STPG2: variants seen among roughly 807,000 people sequenced by gnomAD.
STPG2 encodes sperm-tail PG-rich repeat-containing protein 2.
STPG2 carries 56 observed loss-of-function variants against 54.2 expected under a neutral mutation model. The observed-to-expected ratio is 1.03, with a 90% CI of 0.83 to 1.29. STPG2 has a LOEUF of 1.29. Among genes scored for constraint, STPG2 ranks in the 50% most tolerant of loss-of-function variants. The pLI is 0.00. For missense variants in STPG2, 596 were observed against 544.9 expected (o/e 1.09, Z -0.93); for synonymous variants, 200 against 181.8 (o/e 1.10, Z -0.81).
At chr4:97,494,559 T>G (rs1043384018) in intron 4 of STPG2, among the ~76,000 whole-genome samples, 2 of 151,548 alleles carry the variant, frequency 1.3e-5, no homozygotes, top group African/African-American at 2.4e-5. Context: ...GCAAATAAAT[T>G]AACTTCCTGG....
At chr4:97,865,349 T>C (rs955712132) in intron 8 of STPG2, among the ~76,000 whole-genome samples, 7 of 152,146 alleles carry the variant, frequency 4.6e-5, no homozygotes, top group African/African-American at 1.2e-4. Context: ...AAAATGCTCA[T>C]CATCACTGGC....
chr4:97,573,074 C>G (rs1044785094), intron 10 of STPG2, among the ~76,000 whole-genome samples: 17 of 151,990 alleles, frequency 1.1e-4, no homozygotes, highest in African/African-American at 4.1e-4. Flanking sequence ...AATAAAAATG[C>G]CTCAGACATT....
At chr4:97,543,476 T>C (rs958406802) in intron 4 of STPG2, among the ~76,000 whole-genome samples, 1 of 151,826 alleles carries the variant, frequency 6.6e-6, no homozygotes, top group Non-Finnish European at 1.5e-5. Context: ...AAAAATAAAA[T>C]GCTAAGCTTA....
chr4:97,635,167 G>C (rs1017735632), intron 10 of STPG2, among the ~76,000 whole-genome samples: 1 of 152,116 alleles, frequency 6.6e-6, no homozygotes, highest in Admixed American at 6.5e-5. Context: ...CAAGCCAGAA[G>C]AGAGTGGGGA....
intron 9 of STPG2, among the ~76,000 whole-genome samples, chr4:97,792,305 A>G (rs933539602): frequency 1.5e-4 from 23 of 152,290 alleles, no homozygotes; most frequent in East Asian, 5.8e-4. Flanking sequence ...GTTTTTCTCT[A>G]TCTCAGATAA....
intron 5 of STPG2, among the ~76,000 whole-genome samples, chr4:98,059,861 T>C (rs1358113495): frequency 5.3e-5 from 8 of 152,034 alleles, no homozygotes; most frequent in Non-Finnish European, 1.0e-4. Flanking sequence ...TAAAATTCAA[T>C]ACCCCTTTGT....
At chr4:97,602,323 C>CA (rs1182131671) in intron 10 of STPG2, among the ~76,000 whole-genome samples, 2 of 151,702 alleles carry the variant, frequency 1.3e-5, no homozygotes, top group African/African-American at 4.8e-5. Flanking sequence ...CCTTGTCAGT[C>CA]AAAGGACAGT....
At chr4:97,519,995 T>C (rs1731149348) in intron 4 of STPG2, among the ~76,000 whole-genome samples, 2 of 152,066 alleles carry the variant, frequency 1.3e-5, no homozygotes, top group African/African-American at 2.4e-5. Flanking sequence ...AGTGTCCTTA[T>C]CTGTAAAATA....
chr4:97,585,634 CAT>C (rs1381937692), intron 10 of STPG2, among the ~76,000 whole-genome samples: 5 of 151,874 alleles, frequency 3.3e-5, no homozygotes, highest in African/African-American at 4.8e-5. Flanking sequence ...TCACTGTTTT[CAT>C]ATGTTTTAGG....
At chr4:98,138,814 A>T (rs1262278230) in intron 1 of STPG2, among the ~76,000 whole-genome samples, 3 of 152,106 alleles carry the variant, frequency 2.0e-5, no homozygotes, top group African/African-American at 7.2e-5. Context: ...ACCAAAAAAG[A>T]AATCTGGGAA....
chr4:97,624,312 A>G (rs1734085687), intron 10 of STPG2, among the ~76,000 whole-genome samples: 1 of 152,002 alleles, frequency 6.6e-6, no homozygotes, highest in African/African-American at 2.4e-5. Flanking sequence ...TTGTTTCCTG[A>G]CTTTTTAATA....
chr4:97,864,943 A>G (rs566703718), intron 8 of STPG2, among the ~76,000 whole-genome samples: 114 of 152,336 alleles, frequency 7.5e-4, no homozygotes, highest in African/African-American at 2.7e-3. Context: ...AAATTCATTC[A>G]AGATGGATTA....
chr4:97,995,180 C>T (rs924659751), intron 5 of STPG2, among the ~76,000 whole-genome samples: 3 of 148,614 alleles, frequency 2.0e-5, no homozygotes, highest in African/African-American at 7.5e-5. Flanking sequence ...ACCCCCCCAC[C>T]CCCTGCAATA....
intron 9 of STPG2, among the ~76,000 whole-genome samples, chr4:97,765,596 T>C (rs1726017355): frequency 1.3e-5 from 2 of 152,258 alleles, no homozygotes; most frequent in Non-Finnish European, 2.9e-5. Context: ...AAAATGAAGA[T>C]ATATGGAGAA....
At chr4:98,093,333 T>C (rs1350809043) in intron 5 of STPG2, among the ~76,000 whole-genome samples, 2 of 152,168 alleles carry the variant, frequency 1.3e-5, no homozygotes, top group Non-Finnish European at 1.5e-5. Flanking sequence ...TCAAAAGATA[T>C]ATTAAAACAA....
chr4:97,988,460 C>T (rs921766995), intron 5 of STPG2, among the ~76,000 whole-genome samples: 1 of 152,112 alleles, frequency 6.6e-6, no homozygotes, highest in Non-Finnish European at 1.5e-5. Flanking sequence ...GTACCTGAAA[C>T]ACAGTAGGGT....
At chr4:98,091,356 CA>C (rs1211268889) in intron 5 of STPG2, among the ~76,000 whole-genome samples, 1 of 152,006 alleles carries the variant, frequency 6.6e-6, no homozygotes, top group Non-Finnish European at 1.5e-5. Context: ...TTTACCGGCC[CA>C]AAATCTCCTA....
intron 10 of STPG2, among the ~76,000 whole-genome samples, chr4:97,617,775 A>G (rs1445218742): frequency 1.3e-5 from 2 of 152,318 alleles, no homozygotes; most frequent in Admixed American, 6.5e-5. Context: ...GTTAGATACC[A>G]GCACCGGATA....
chr4:97,781,231 A>T (rs999195058), intron 9 of STPG2, among the ~76,000 whole-genome samples: 13 of 152,208 alleles, frequency 8.5e-5, no homozygotes, highest in African/African-American at 2.7e-4. Context: ...AGATGCAATA[A>T]AAAACGATAA....
Sources: gnomAD v4.1 joint callset for allele counts (sites outside exome capture counted in the v4.1 genomes callset) on GRCh38, gnomAD v4.1.1 for gene constraint, MANE v1.5 for transcripts, NCBI Gene and HGNC (gene_info 2026-07-23, HGNC 2026-07-21) for gene names.